Variants in SEC61B observed in about 807,000 individuals in gnomAD.
SEC61B encodes protein transport protein Sec61 subunit beta.
A neutral mutation model predicts 12.6 loss-of-function variants in SEC61B; 7 were observed. The ratio of observed to expected loss-of-function variants is 0.55; its 90% CI spans 0.32 to 1.04. The LOEUF is 1.04. Ranked by LOEUF, SEC61B falls within the 50% of genes least tolerant of loss-of-function variation. SEC61B has a pLI of 0.05. For missense variants in SEC61B, 107 were observed against 130.1 expected (o/e 0.82, Z 0.86); for synonymous variants, 54 against 50.1 (o/e 1.08, Z -0.33).
chr9:99,230,278 T>G, intron 3 of SEC61B, 59 bp from the exon 4 acceptor site: 1 of 1,095,284 alleles, frequency 9.1e-7, no homozygotes, highest in Non-Finnish European at 1.4e-6. Flanking sequence ...TCTTTAGTAT[T>G]GCAGATCTAA....
chr9:99,228,596 A>C (rs1210289188), intron 3 of SEC61B, among the ~76,000 whole-genome samples: 4 of 152,198 alleles, frequency 2.6e-5, no homozygotes, highest in Admixed American at 2.6e-4. Flanking sequence ...TGCCTTGCTC[A>C]GGGTTTCTGG....
chr9:99,227,982 A>G lies in SEC61B; in HGVS notation c.185A>G (p.Asp62Gly). 6.2e-7 allele frequency: 1 copy of G among 1,613,860 alleles called. No individual in the cohort carries two copies. The highest frequency in any genetic ancestry group is 8.5e-7 in the Non-Finnish European group (1 of 1,179,810). Residue 62 changes from aspartate (D) to glycine (G), a missense_variant, in exon 3 of 4, where the codon GAT (aspartate) becomes GGT (glycine). Coordinates refer to ENST00000223641, the MANE Select transcript of SEC61B (RefSeq NM_006808.3). ...GGGATGTGGCGATTCTACACAGAAG[A>G]TTCACCTGGGCTCAAAGTGTAAGTC... Reference protein sequence around the residue: ...TGGMWRFYTEDSPGLKVGPVP... With the variant: ...TGGMWRFYTEGSPGLKVGPVP...
At chr9:99,226,815 T>C (rs1564228633) in intron 2 of SEC61B, among the ~76,000 whole-genome samples, 1 of 152,184 alleles carries the variant, frequency 6.6e-6, no homozygotes, top group Admixed American at 6.5e-5. Flanking sequence ...TAAGTGCTGC[T>C]AGGCTGCTTC....
chr9:99,224,317 T>C (rs910224045), intron 2 of SEC61B, among the ~76,000 whole-genome samples: 1 of 152,210 alleles, frequency 6.6e-6, no homozygotes, highest in Non-Finnish European at 1.5e-5. Flanking sequence ...TGTATCAGGC[T>C]GTGGTTTAAC....
chr9:99,222,600 A>G lies in SEC61B; in HGVS notation c.58A>G (p.Lys20Glu). The G allele has an allele frequency of 6.4e-7, 1 of 1,556,696 alleles. No individual in the cohort carries two copies. The highest frequency in any genetic ancestry group is 8.7e-7 in the Non-Finnish European group (1 of 1,150,242). The change falls in exon 2 of 4, where the codon AAA becomes GAA. Residue 20 changes from lysine (K) to glutamate (E), a missense_variant. Coordinates refer to ENST00000223641, the MANE Select transcript of SEC61B (RefSeq NM_006808.3). Reference protein sequence around the residue: ...NVGSSGRSPSKAVAARAAGST... With the variant: ...NVGSSGRSPSEAVAARAAGST... ...GGGATCCTCAGGGCGCTCTCCCAGC[A>G]AAGCAGTGGCCGCCCGGGCGGCGGG...
In SEC61B at chr9:99,222,316, T is replaced by G. The variant is rs755093512; in HGVS notation, c.-48T>G. 1 of 1,614,030 alleles carries G rather than the reference T, an allele frequency of 6.2e-7. No individual in the cohort carries two copies. Among genetic ancestry groups the G allele is most frequent in the Non-Finnish European group, 8.5e-7 (1 of 1,179,968 alleles). ...AGCTGCCGGTCTTTCGGGGGCTCCG[T>G]AACTTTCTATCCGTCCGCGTCAGCG... is the stretch of plus-strand genomic sequence containing the variant. On this transcript the variant is annotated 5_prime_UTR_variant, in exon 1 of 4. Coordinates refer to ENST00000223641, the MANE Select transcript of SEC61B (RefSeq NM_006808.3).
intron 2 of SEC61B, among the ~76,000 whole-genome samples, chr9:99,227,648 A>G (rs1828914206): frequency 1.3e-5 from 2 of 152,126 alleles, no homozygotes; most frequent in South Asian, 2.1e-4. Flanking sequence ...TCTGAGGCCA[A>G]TTTGCCTCAT....
At chr9:99,226,578 A>T (rs1828898604) in intron 2 of SEC61B, among the ~76,000 whole-genome samples, 2 of 152,094 alleles carry the variant, frequency 1.3e-5, no homozygotes. Flanking sequence ...CCCCACTAGG[A>T]CTTCTGAGTT....
At chr9:99,222,490 G>T in intron 1 of SEC61B, 56 bp from the exon 2 acceptor site, 1 of 1,603,976 alleles carries the variant, frequency 6.2e-7, no homozygotes, top group African/African-American at 1.3e-5. Flanking sequence ...TCTAGGCCGG[G>T]GTTCTGGGGC....
Position 99,229,410 on chromosome 9 carries a change from G to T in SEC61B, c.204-927G>T, listed in dbSNP as rs563286892. ...CATGATCATAGCTCATTGTAGTCTTGAATTCCTGGGCTCAAGTGATCTTTA... is the reference window on the plus strand; with the variant it reads ...CATGATCATAGCTCATTGTAGTCTTTAATTCCTGGGCTCAAGTGATCTTTA... On this transcript the variant is annotated intron_variant, in intron 3 of 3. Transcript: ENST00000223641. Among the ~76,000 whole-genome samples, 77 of 152,218 alleles carry T rather than the reference G, an allele frequency of 5.1e-4. No homozygotes were observed. The South Asian group carries it at 0.01, about 20-fold the overall frequency.
intron 2 of SEC61B, among the ~76,000 whole-genome samples, chr9:99,225,162 C>T (rs538417053): frequency 9.2e-5 from 14 of 152,244 alleles, no homozygotes; most frequent in Non-Finnish European, 2.1e-4. Context: ...GTTTCATCTC[C>T]GAAGATGGGT....
At position 99,230,495 on chromosome 9, in the gene SEC61B, T is replaced by G. The variant is rs1314659515; in HGVS notation, c.*71T>G. The G allele has an allele frequency of 2.1e-6, 2 of 968,240 alleles. No individual in the cohort carries two copies. Among genetic ancestry groups the G allele is most frequent in the Non-Finnish European group, 3.3e-6 (2 of 610,874 alleles). 60.0% of individuals were successfully genotyped at this position (968,240 alleles called of 1,614,324 possible). ...AACATTTCTTGGACCAAAAGTATAG[T>G]GACTATCTGTTCATGAGAGAAATTT... On this transcript the variant is annotated 3_prime_UTR_variant, in exon 4 of 4. Transcript: ENST00000223641.
At chr9:99,229,030 A>G (rs1828930681) in intron 3 of SEC61B, among the ~76,000 whole-genome samples, 1 of 152,010 alleles carries the variant, frequency 6.6e-6, no homozygotes. Flanking sequence ...ACAAATTTGT[A>G]ACTTTACAAA....
Position 99,222,310 on chromosome 9 carries a change from G to A in SEC61B, c.-54G>A, listed in dbSNP as rs1828832923. The A allele has an allele frequency of 2.5e-6, 4 of 1,613,894 alleles. No homozygotes were observed. The South Asian group carries it at 3.3e-5, about 13-fold the overall frequency. On this transcript the variant is annotated 5_prime_UTR_variant, in exon 1 of 4. Coordinates refer to ENST00000223641, the MANE Select transcript of SEC61B (RefSeq NM_006808.3). ...CTCGCCAGCTGCCGGTCTTTCGGGG[G>A]CTCCGTAACTTTCTATCCGTCCGCG...
At chr9:99,226,921 G>T (rs555446483) in intron 2 of SEC61B, among the ~76,000 whole-genome samples, 1 of 151,586 alleles carries the variant, frequency 6.6e-6, no homozygotes, top group East Asian at 1.9e-4. Flanking sequence ...TGTTCCCTGC[G>T]TTTTTTTTAC....
chr9:99,230,264 G>A (rs1031998075), intron 3 of SEC61B, 73 bp from the exon 4 acceptor site: 4 of 907,080 alleles, frequency 4.4e-6, no homozygotes, highest in Admixed American at 2.2e-5. Context: ...TTTCCCCTAG[G>A]CAATCTTTAG....
intron 2 of SEC61B, among the ~76,000 whole-genome samples, chr9:99,223,424 C>G (rs1828859926): frequency 6.7e-6 from 1 of 149,680 alleles, no homozygotes; most frequent in South Asian, 2.1e-4. Flanking sequence ...GATGGAATCT[C>G]ACTCTGTCGC....
At chr9:99,228,844 A>G (rs1828928717) in intron 3 of SEC61B, among the ~76,000 whole-genome samples, 1 of 152,226 alleles carries the variant, frequency 6.6e-6, no homozygotes, top group African/African-American at 2.4e-5. Context: ...CTCAGGTTCA[A>G]AGAGGCAAAG....
chr9:99,226,531 T>C (rs1828897761), intron 2 of SEC61B, among the ~76,000 whole-genome samples: 1 of 152,316 alleles, frequency 6.6e-6, no homozygotes, highest in Middle Eastern at 3.4e-3. Context: ...TGATGCTGAA[T>C]GGTGCAGGCA....
Sources: gnomAD v4.1 joint callset for allele counts (sites outside exome capture counted in the v4.1 genomes callset) on GRCh38, gnomAD v4.1.1 for gene constraint, MANE v1.5 for transcripts, NCBI Gene and HGNC (gene_info 2026-07-23, HGNC 2026-07-21) for gene names.